The following TNFRSF8 variants were observed in gnomAD, a reference collection of about 807,000 sequenced individuals.
TNFRSF8 encodes tumor necrosis factor receptor superfamily member 8.
Under a neutral mutation model 70.8 loss-of-function variants are expected in TNFRSF8, and 26 were observed. The ratio of observed to expected loss-of-function variants is 0.37; its 90% confidence interval spans 0.27 to 0.51. The LOEUF (loss-of-function observed/expected upper bound fraction) is 0.51. TNFRSF8 is among the 20% of genes least tolerant of loss of function. TNFRSF8 has a pLI of 0.94. For synonymous variants in TNFRSF8, 356 were observed against 339.2 expected (o/e 1.05, Z -0.54); for missense variants, 720 against 807.9 (o/e 0.89, Z 1.32).
intron 2 of TNFRSF8, among the ~76,000 whole-genome samples, chr1:12,093,458 C>T (rs1641279356): frequency 6.6e-6 from 1 of 152,058 alleles, no homozygotes; most frequent in Admixed American, 6.6e-5. Context: ...GTTGACAGAA[C>T]ATGTTTTAAT....
intron 1 of TNFRSF8, among the ~76,000 whole-genome samples, chr1:12,074,132 A>C (rs1433210907): frequency 6.6e-6 from 1 of 151,986 alleles, no homozygotes; most frequent in Non-Finnish European, 1.5e-5. Context: ...AGGATCGACC[A>C]GTTGCTAAAT....
chr1:12,142,205 G>A lies in TNFRSF8; in HGVS notation c.1544-82G>A. 6.8e-7 allele frequency: 1 copy of A among 1,476,540 alleles called. No homozygotes were observed. The highest frequency in any genetic ancestry group is 1.4e-5 in the South Asian group (1 of 72,454). The allele number at this position is 1,476,540 out of a possible 1,614,324, so 91.5% of individuals were successfully genotyped here. ...CACCCGGCAGGTGTACCAGCACTGG[G>A]CCTCGGCCCTTCTCTGCCTCTTTGC... On this transcript the variant is annotated intron_variant, in intron 14 of 14. Transcript: ENST00000263932. The surrounding 1 kb of genome is among the most constrained non-coding windows in gnomAD (Gnocchi z 5.0).
intron 7 of TNFRSF8, among the ~76,000 whole-genome samples, chr1:12,114,296 G>A (rs556801294): frequency 1.3e-5 from 2 of 152,308 alleles, no homozygotes; most frequent in South Asian, 4.1e-4. Flanking sequence ...TCTGGGTAGA[G>A]TGCTGAGACT....
At chr1:12,084,219 C>G (rs1641113261) in intron 1 of TNFRSF8, among the ~76,000 whole-genome samples, 1 of 152,062 alleles carries the variant, frequency 6.6e-6, no homozygotes, top group South Asian at 2.1e-4. Flanking sequence ...TGAAAAGGGC[C>G]AGGAGAATTT....
At position 12,138,262 on chromosome 1, in the gene TNFRSF8, G is replaced by C. The variant is rs199499696; in HGVS notation, c.1369G>C (p.Val457Leu). The C allele has an allele frequency of 7.4e-5, 119 of 1,613,440 alleles. No individual in the cohort carries two copies. The highest frequency in any genetic ancestry group is 9.4e-5 in the Non-Finnish European group (111 of 1,179,908). ...LRSGASVTEP[V>L]AEERGLMSQP... is the part of the protein sequence containing the mutation. ...GAGTGGTGCGTCGGTGACAGAACCC[G>C]TCGCGGAAGAGCGAGGGTTAATGAG... Residue 457 changes from valine to leucine, a missense_variant, in exon 14 of 15, where the codon GTC (valine) becomes CTC (leucine). Transcript: ENST00000263932. This position sits in a 1 kb window ranked among gnomAD's most constrained non-coding sequence, Gnocchi z 5.7.
At chr1:12,065,176 G>A (rs972676866) in intron 1 of TNFRSF8, among the ~76,000 whole-genome samples, 2 of 136,904 alleles carry the variant, frequency 1.5e-5, no homozygotes, top group Admixed American at 8.5e-5. Flanking sequence ...TCTGCCTCCC[G>A]GATTCAAGTG....
rs890602289 is a variant in TNFRSF8 at position 12,119,929 on chromosome 1, C to G, written c.947-3355C>G. On this transcript the variant is annotated intron_variant, in intron 8 of 14. Transcript: ENST00000263932. The surrounding 1 kb of genome is among the most constrained non-coding windows in gnomAD (Gnocchi z 4.4). Reference sequence around the variant, plus strand: ...CTGATACAACCCCTTCGTTTTACACCCAGAGAGAAGCACAGGGCCGAAGCT... The same window carrying G: ...CTGATACAACCCCTTCGTTTTACACGCAGAGAGAAGCACAGGGCCGAAGCT... 1.3e-5 allele frequency among the ~76,000 whole-genome samples: 2 copies of G among 152,044 alleles called. No individual in the cohort carries two copies. Among genetic ancestry groups the G allele is most frequent in the Non-Finnish European group, 2.9e-5 (2 of 68,014 alleles).
chr1:12,086,133 T>C (rs1231386793), intron 2 of TNFRSF8, among the ~76,000 whole-genome samples: 1 of 152,166 alleles, frequency 6.6e-6, no homozygotes, highest in African/African-American at 2.4e-5. Context: ...TCAGGGCTAT[T>C]CCACTGGAGC....
At chr1:12,124,762 C>T (rs546685676) in intron 10 of TNFRSF8, among the ~76,000 whole-genome samples, 1 of 152,170 alleles carries the variant, frequency 6.6e-6, no homozygotes, top group East Asian at 1.9e-4. Flanking sequence ...GCGGAGGTTG[C>T]AAGGTTGCAG....
intron 12 of TNFRSF8, among the ~76,000 whole-genome samples, chr1:12,129,979 A>T (rs545899128): frequency 1.3e-4 from 19 of 150,136 alleles, no homozygotes; most frequent in African/African-American, 4.4e-4. Flanking sequence ...ATCTCGGCTT[A>T]CTGCAACCCC....
At chr1:12,068,644 G>A (rs754488502) in intron 1 of TNFRSF8, among the ~76,000 whole-genome samples, 1 of 152,120 alleles carries the variant, frequency 6.6e-6, no homozygotes, top group Non-Finnish European at 1.5e-5. Context: ...CTCCCTGAAT[G>A]CCTAAGTCTT....
intron 1 of TNFRSF8, among the ~76,000 whole-genome samples, chr1:12,081,329 C>T (rs1268961001): frequency 6.6e-6 from 1 of 152,072 alleles, no homozygotes; most frequent in African/African-American, 2.4e-5. Context: ...CCAGAATGTT[C>T]CCACACTCAG....
rs1284165979 is a variant in TNFRSF8, at chr1:12,142,420, C to A, written c.1677C>A (p.His559Gln). The A allele has an allele frequency of 6.2e-7, 1 of 1,612,848 alleles. No individual in the cohort carries two copies. The highest frequency in any genetic ancestry group is 8.5e-7 in the Non-Finnish European group (1 of 1,179,542). ...AGCTGGAGGCGGACCATACCCCCCA[C>A]TACCCCGAGCAGGAGACAGAACCGC... ...EEELEADHTP[H>Q]YPEQETEPPL... is the part of the protein sequence containing the mutation. The change falls in exon 15 of 15, where the codon CAC becomes CAA. Residue 559 changes from histidine to glutamine, a missense_variant. Physicochemically the swap from His to Gln is conservative, Grantham distance 24. Transcript: ENST00000263932. This position sits in a 1 kb window ranked among gnomAD's most constrained non-coding sequence, Gnocchi z 5.0.
At position 12,141,069 on chromosome 1, in the gene TNFRSF8, A is replaced by G. The variant is rs534379050; in HGVS notation, c.1544-1218A>G. ...TTCTCCTCTTGCTGCCGTTTGGCGC[A>G]CTTCTCTCTTTCCTGGGGGTGTTCA... On this transcript the variant is annotated intron_variant, in intron 14 of 14. Transcript: ENST00000263932. This position sits in a 1 kb window ranked among gnomAD's most constrained non-coding sequence, Gnocchi z 5.4. 1.3e-5 allele frequency among the ~76,000 whole-genome samples: 2 copies of G among 152,276 alleles called. No individual in the cohort carries two copies. Among genetic ancestry groups the G allele is most frequent in the South Asian group, 2.1e-4 (1 of 4,826 alleles).
intron 1 of TNFRSF8, among the ~76,000 whole-genome samples, chr1:12,083,134 C>A (rs2100965970): frequency 6.6e-6 from 1 of 152,284 alleles, no homozygotes; most frequent in Admixed American, 6.5e-5. Flanking sequence ...AACAAGATGG[C>A]TAAACTTTTA....
At position 12,104,403 on chromosome 1, in the gene TNFRSF8, G is replaced by T. The variant is rs763794167; in HGVS notation, c.293G>T (p.Cys98Phe). The change falls in exon 4 of 15, where the codon TGT becomes TTT. Residue 98 changes from cysteine (C) to phenylalanine (F), a missense_variant. Cys to Phe is a radical substitution (Grantham distance 205, BLOSUM62 -2). Transcript: ENST00000263932. ...GACGACCTCGTGGAGAAGACGCCGT[G>T]TGCATGGAACTCCTCCCGTGTCTGC... ...SRDDLVEKTP[C>F]AWNSSRVCEC... 2 of 1,614,070 alleles carry T rather than the reference G, an allele frequency of 1.2e-6. No individual in the cohort carries two copies. Among genetic ancestry groups the T allele is most frequent in the Non-Finnish European group, 1.7e-6 (2 of 1,180,026 alleles).
chr1:12,075,965 C>T (rs1210381477), intron 1 of TNFRSF8, among the ~76,000 whole-genome samples: 4 of 152,236 alleles, frequency 2.6e-5, no homozygotes, highest in African/African-American at 9.6e-5. Context: ...GTAAAACTCT[C>T]CTCCACACAG....
At chr1:12,064,387 G>C (rs934906299) in intron 1 of TNFRSF8, among the ~76,000 whole-genome samples, 5 of 152,150 alleles carry the variant, frequency 3.3e-5, no homozygotes, top group Non-Finnish European at 5.9e-5. Flanking sequence ...ATCACTGTGG[G>C]GAGAATGCAA....
At chr1:12,069,404 C>T (rs995017850) in intron 1 of TNFRSF8, among the ~76,000 whole-genome samples, 5 of 151,356 alleles carry the variant, frequency 3.3e-5, no homozygotes, top group African/African-American at 1.2e-4. Context: ...GTCTCAAACT[C>T]CTGACCTCAG....
Sources: allele counts gnomAD v4.1 joint callset (sites outside exome capture counted in the v4.1 genomes callset), GRCh38; gene constraint gnomAD v4.1.1; non-coding constraint Gnocchi (gnomAD v3.1); transcripts MANE v1.5; gene names NCBI Gene and HGNC (gene_info 2026-07-23, HGNC 2026-07-21).